Variants in SMG7 observed in about 807,000 individuals in gnomAD.
The protein encoded by SMG7 is nonsense-mediated mRNA decay factor SMG7.
SMG7 carries 34 observed loss-of-function variants against 148.2 expected under a neutral mutation model. The observed-to-expected ratio is 0.23, with a 90% CI of 0.17 to 0.31. SMG7 has a LOEUF of 0.31. Ranked by LOEUF, SMG7 falls within the 10% of genes least tolerant of loss-of-function variation. The pLI is 1.00. For missense variants in SMG7, 1,114 were observed against 1,408.4 expected (o/e 0.79, Z 3.35); for synonymous variants, 492 against 515.1 (o/e 0.96, Z 0.61).
chr1:183,486,506 G>C (rs1363686480), intron 1 of SMG7, among the ~76,000 whole-genome samples: 1 of 152,166 alleles, frequency 6.6e-6, no homozygotes, highest in Non-Finnish European at 1.5e-5. Context: ...CACCTCCTGG[G>C]TTCAAGCGAT....
At chr1:183,528,323 C>T (rs1322631521) in intron 6 of SMG7, among the ~76,000 whole-genome samples, 1 of 151,964 alleles carries the variant, frequency 6.6e-6, no homozygotes, top group Non-Finnish European at 1.5e-5. Flanking sequence ...TCCTTAATTG[C>T]TTATAGAATA....
chr1:183,529,066 T>TC (rs774519476), intron 7 of SMG7, 24 bp downstream of exon 7: 2 of 1,581,716 alleles, frequency 1.3e-6, no homozygotes, highest in Non-Finnish European at 1.7e-6. Flanking sequence ...GTTTTTTTTT[T>TC]CTCTTTCCAA....
At chr1:183,519,198 A>C (rs1238119244) in intron 4 of SMG7, among the ~76,000 whole-genome samples, 3 of 152,230 alleles carry the variant, frequency 2.0e-5, no homozygotes, top group Non-Finnish European at 2.9e-5. Flanking sequence ...TCTCAAAAAA[A>C]AGAATCCCTG....
intron 1 of SMG7, chr1:183,473,944 G>C: frequency 2.2e-6 from 2 of 894,226 alleles, no homozygotes; most frequent in Non-Finnish European, 2.7e-6. Context: ...AATTTTTAAA[G>C]TAGTAAAGTT....
chr1:183,529,492 A>G lies in SMG7; in HGVS notation c.802A>G (p.Lys268Glu). The G allele has an allele frequency of 6.2e-7, 1 of 1,613,266 alleles. No homozygotes were observed. The change falls in exon 8 of 23, where the codon AAG becomes GAG. Residue 268 changes from lysine (K) to glutamate (E), a missense_variant. Lys to Glu is a moderately conservative substitution (Grantham distance 56). Coordinates refer to ENST00000688051, the MANE Select transcript of SMG7 (RefSeq NM_001375584.1). ...GHVYLSKSLE[K>E]LSPLREKLEE... ...TGTGTACCTGAGTAAGAGCTTGGAA[A>G]AGTTGAGCCCTCTTCGAGAGAAATT...
chr1:183,512,710 A>G (rs1662418928), intron 1 of SMG7, 127 bp from the exon 2 acceptor site: 3 of 881,344 alleles, frequency 3.4e-6, no homozygotes, highest in East Asian at 2.8e-5. Flanking sequence ...AGTGCCACAA[A>G]TATAGCTGCT....
Position 183,552,114 on chromosome 1 carries a change from A to G in SMG7, c.*183A>G, listed in dbSNP as rs1278784112. 1 of 1,296,934 alleles carries G rather than the reference A, an allele frequency of 7.7e-7. No homozygotes were observed. Among genetic ancestry groups the G allele is most frequent in the Non-Finnish European group, 9.9e-7 (1 of 1,011,704 alleles). The allele number at this position is 1,296,934 out of a possible 1,614,324, so 80.3% of individuals were successfully genotyped here. On this transcript the variant is annotated 3_prime_UTR_variant, in exon 23 of 23. Coordinates refer to ENST00000688051, the MANE Select transcript of SMG7 (RefSeq NM_001375584.1). ...AATGTTCGCAGTGCAACAAAAAGAA[A>G]AATCCATCAGGAACTCTCCGTCCCC...
rs1666146845 is a variant in SMG7, at chr1:183,527,769, A to G, written c.485-187A>G. The G allele has an allele frequency of 1.7e-6, 1 of 597,534 alleles. No individual in the cohort carries two copies. The highest frequency in any genetic ancestry group is 1.9e-5 in the African/African-American group (1 of 53,858). 37.0% of individuals were successfully genotyped at this position (597,534 alleles called of 1,614,324 possible). On this transcript the variant is annotated intron_variant, in intron 5 of 22. Transcript: ENST00000688051. This position sits in a 1 kb window ranked among gnomAD's most constrained non-coding sequence, Gnocchi z 4.0. Reference sequence around the variant, plus strand: ...ATTGGTTACATGCTGAATGTCCCAAATAAGGAAGGCTGATGGACACTTCAC... The same window carrying G: ...ATTGGTTACATGCTGAATGTCCCAAGTAAGGAAGGCTGATGGACACTTCAC...
At chr1:183,482,645 A>G (rs548415512) in intron 1 of SMG7, among the ~76,000 whole-genome samples, 1 of 152,158 alleles carries the variant, frequency 6.6e-6, no homozygotes, top group African/African-American at 2.4e-5. Flanking sequence ...AACTTATTAT[A>G]GCTTATGTCA....
chr1:183,546,618 A>C (rs1669968892), intron 17 of SMG7, among the ~76,000 whole-genome samples: 1 of 152,210 alleles, frequency 6.6e-6, no homozygotes, highest in Admixed American at 6.5e-5. Context: ...TTCTGAGACA[A>C]AGCACTCCTC....
In SMG7 at chr1:183,553,333, A is replaced by C; in HGVS notation, c.*1402A>C. The C allele has an allele frequency of 2.1e-6, 2 of 951,214 alleles. No homozygotes were observed. The highest frequency in any genetic ancestry group is 1.7e-5 in the African/African-American group (1 of 60,572). The allele number at this position is 951,214 out of a possible 1,614,324, so 58.9% of individuals were successfully genotyped here. ...AAGGGGAAATTATGGAAACAATCTA[A>C]TTGTTCAATTGCTGTGCTAGTGGTA... On this transcript the variant is annotated 3_prime_UTR_variant, in exon 23 of 23. Coordinates refer to ENST00000688051, the MANE Select transcript of SMG7 (RefSeq NM_001375584.1).
intron 2 of SMG7, among the ~76,000 whole-genome samples, 191 bp from the exon 3 acceptor site, chr1:183,515,683 C>G (rs1663342020): frequency 6.7e-6 from 1 of 148,422 alleles, no homozygotes; most frequent in Non-Finnish European, 1.5e-5. Context: ...GTAAACCAGA[C>G]TTAGTCATTA....
chr1:183,503,337 T>C (rs1258420339), intron 1 of SMG7, among the ~76,000 whole-genome samples: 1 of 152,246 alleles, frequency 6.6e-6, no homozygotes, highest in Middle Eastern at 3.2e-3. Flanking sequence ...TTCTATAATT[T>C]ATAATTGTCT....
At position 183,553,573 on chromosome 1, in the gene SMG7, A is replaced by AT. The variant is rs368911746; in HGVS notation, c.*1643dup. On this transcript the variant is annotated 3_prime_UTR_variant, in exon 23 of 23. Transcript: ENST00000688051. ...AACCCCAGCAATGAAAAGGGGTGAG[A>AT]TAACGCTCATTGCTCTTCAGAGAGA... 644 of 202,992 alleles carry AT rather than the reference A, an allele frequency of 3.2e-3. 3 individuals carry two copies. The highest frequency in any genetic ancestry group is 0.015 in the African/African-American group (617 of 42,536). The allele number at this position is 202,992 out of a possible 1,614,324, so 12.6% of individuals were successfully genotyped here.
At chr1:183,522,535 TC>T (rs1054080153) in intron 4 of SMG7, among the ~76,000 whole-genome samples, 43 of 152,324 alleles carry the variant, frequency 2.8e-4, no homozygotes, top group African/African-American at 1.0e-3. Context: ...ACTTTTTTTT[TC>T]ATATTTTAAC....
chr1:183,550,216 G>A (rs1670747296), intron 20 of SMG7: 1 of 287,718 alleles, frequency 3.5e-6, no homozygotes, highest in East Asian at 6.9e-5. Context: ...TTATTTGTAG[G>A]TGTTCATTCT....
At chr1:183,523,105 AAAG>A (rs1333587997) in intron 4 of SMG7, among the ~76,000 whole-genome samples, 1 of 152,228 alleles carries the variant, frequency 6.6e-6, no homozygotes, top group East Asian at 1.9e-4. Flanking sequence ...TTTAAACATC[AAAG>A]AACAGAACGG....
At chr1:183,473,846 T>C (rs1651402714) in intron 1 of SMG7, 4 of 985,348 alleles carry the variant, frequency 4.1e-6, no homozygotes, top group Admixed American at 6.1e-5. Context: ...TTTAGCTGTT[T>C]AGTGACATGA....
chr1:183,482,704 A>G (rs183676008), intron 1 of SMG7, among the ~76,000 whole-genome samples: 8 of 152,282 alleles, frequency 5.3e-5, no homozygotes, highest in Admixed American at 5.2e-4. Context: ...CACTGTGCCT[A>G]ATTTATAAGT....
Sources: gnomAD v4.1 joint callset for allele counts (sites outside exome capture counted in the v4.1 genomes callset) on GRCh38, gnomAD v4.1.1 for gene constraint, Gnocchi (gnomAD v3.1) non-coding constraint, MANE v1.5 for transcripts, NCBI Gene and HGNC (gene_info 2026-07-23, HGNC 2026-07-21) for gene names.